Variants in PRUNE2 observed in about 807,000 individuals in gnomAD.
PRUNE2 encodes protein prune homolog 2.
A neutral mutation model predicts 252.0 loss-of-function variants in PRUNE2; 164 were observed. The observed-to-expected ratio is 0.65, with a 90% CI of 0.57 to 0.74. The LOEUF is 0.74. PRUNE2 is among the 30% of genes least tolerant of loss of function. PRUNE2 has a pLI of 0.00. For synonymous variants in PRUNE2, 1,292 were observed against 1,350.2 expected (o/e 0.96, Z 0.94); for missense variants, 3,495 against 3,711.0 (o/e 0.94, Z 1.51).
chr9:76,673,064 T>C lies in PRUNE2; in HGVS notation c.8277-17562A>G, dbSNP rs2041832074. Among the ~76,000 whole-genome samples the C allele has an allele frequency of 2.6e-5, 4 of 151,160 alleles. No homozygotes were observed. In the South Asian group the frequency reaches 8.4e-4, roughly 32 times the overall value. On this transcript the variant is annotated intron_variant, in intron 9 of 18. Coordinates refer to ENST00000376718, the MANE Select transcript of PRUNE2 (RefSeq NM_015225.3). Reference sequence around the variant, plus strand: ...AAAATAACTAAAATCAGAGCAGAACTGAAGGAAATAGAGATACAAAAAACC... The same window carrying C: ...AAAATAACTAAAATCAGAGCAGAACCGAAGGAAATAGAGATACAAAAAACC...
intron 9 of PRUNE2, among the ~76,000 whole-genome samples, chr9:76,685,881 C>A (rs2044025752): frequency 1.3e-5 from 2 of 152,300 alleles, no homozygotes; most frequent in South Asian, 4.2e-4. Context: ...TTTCATTCAT[C>A]TTCTCTGCTA....
In PRUNE2 at chr9:76,637,373, GT is replaced by G. The variant is rs767363076; in HGVS notation, c.8963+44del. 2.5e-6 allele frequency: 4 copies of G among 1,602,680 alleles called. No homozygotes were observed. The Admixed American group carries it at 6.7e-5, about 27-fold the overall frequency. On this transcript the variant is annotated intron_variant, in intron 14 of 18. Transcript: ENST00000376718. ...ATACCATGTGGTTGTTTAGTCTTCA[GT>G]TTACCAAAATCAAAATAGTGATTAA...
rs1446597601 is a variant in PRUNE2 at position 76,817,032 on chromosome 9, T to C, written c.756+6600A>G. On this transcript the variant is annotated intron_variant, in intron 6 of 18. Transcript: ENST00000376718. ...CCTAGAACTTGGATTATGTTTATAGTTCAAAAATTAAAATGATTTTTTCAG... is the reference window on the plus strand; with the variant it reads ...CCTAGAACTTGGATTATGTTTATAGCTCAAAAATTAAAATGATTTTTTCAG... Among the ~76,000 whole-genome samples the C allele has an allele frequency of 2.0e-5, 3 of 152,168 alleles. No individual in the cohort carries two copies. The East Asian group carries it at 5.8e-4, about 29-fold the overall frequency.
intron 9 of PRUNE2, among the ~76,000 whole-genome samples, chr9:76,696,450 G>T (rs958660111): frequency 2.0e-5 from 3 of 152,002 alleles, no homozygotes; most frequent in African/African-American, 7.2e-5. Context: ...TTTTTTGTTT[G>T]TTTGTTTGTT....
intron 9 of PRUNE2, 123 bp from the exon 10 acceptor site, chr9:76,655,625 G>A (rs1315725694): frequency 4.2e-6 from 3 of 712,338 alleles, no homozygotes; most frequent in Non-Finnish European, 7.5e-6. Context: ...CCATGTATGG[G>A]GACTGAATCC....
At chr9:76,880,985 G>T (rs2061743786) in intron 1 of PRUNE2, among the ~76,000 whole-genome samples, 1 of 147,866 alleles carries the variant, frequency 6.8e-6, no homozygotes. Flanking sequence ...TTTTGAGACG[G>T]AGTCTCGCTC....
At chr9:76,667,386 GAGC>G (rs2040408050) in intron 9 of PRUNE2, among the ~76,000 whole-genome samples, 1 of 152,222 alleles carries the variant, frequency 6.6e-6, no homozygotes, top group Non-Finnish European at 1.5e-5. Context: ...ACGCCCAAGT[GAGC>G]AGCAGAACTG....
rs1187931499 is a variant in PRUNE2 at position 76,728,007 on chromosome 9, G to A, written c.757-14286C>T. Among the ~76,000 whole-genome samples the A allele has an allele frequency of 6.6e-5, 10 of 152,050 alleles. No individual in the cohort carries two copies. In the South Asian group the frequency reaches 1.9e-3, roughly 28 times the overall value. On this transcript the variant is annotated intron_variant, in intron 6 of 18. Coordinates refer to ENST00000376718, the MANE Select transcript of PRUNE2 (RefSeq NM_015225.3). ...CTGGGATTACAGGTGTGAGCCCCCC[G>A]ACGCCTGGCCTTAAACAGGGCATTT...
rs933546019 is a variant in PRUNE2 at position 76,788,532 on chromosome 9, C to T, written c.756+35100G>A. ...CCTTGGGGAAAAGCTCAATCCTGCT[C>T]ATCTGTAAAATGGGGGTGTTGACAA... On this transcript the variant is annotated intron_variant, in intron 6 of 18. Transcript: ENST00000376718. 3 of 717,448 alleles carry T rather than the reference C, an allele frequency of 4.2e-6. No individual in the cohort carries two copies. In the Admixed American group the frequency reaches 6.0e-5, roughly 14 times the overall value. 44.4% of individuals were successfully genotyped at this position (717,448 alleles called of 1,614,324 possible).
At chr9:76,663,009 C>A (rs2039413673) in intron 9 of PRUNE2, among the ~76,000 whole-genome samples, 1 of 152,200 alleles carries the variant, frequency 6.6e-6, no homozygotes, top group Admixed American at 6.5e-5. Flanking sequence ...AGCCTATGGG[C>A]TGGAGGACTG....
In PRUNE2 at chr9:76,710,815, G is replaced by A. The variant is rs2046670167; in HGVS notation, c.1459C>T (p.His487Tyr). Residue 487 changes from histidine (H) to tyrosine (Y), a missense_variant, in exon 8 of 19, where the codon CAC becomes TAC. Physicochemically the swap from His to Tyr is moderately conservative, Grantham distance 83. Transcript: ENST00000376718. ...VAEEHAWSGEHGEHFDLFNFD... is the reference protein window; with the variant it reads ...VAEEHAWSGEYGEHFDLFNFD... ...TTGAAGAGGTCGAAGTGCTCACCGT[G>A]TTCTCCAGACCATGCATGTTCCTCC... 6.4e-7 allele frequency: 1 copy of A among 1,570,808 alleles called. No individual in the cohort carries two copies. The highest frequency in any genetic ancestry group is 8.6e-7 in the Non-Finnish European group (1 of 1,159,924).
intron 11 of PRUNE2, 55 bp downstream of exon 11, chr9:76,652,428 A>C: frequency 8.1e-7 from 1 of 1,241,180 alleles, no homozygotes; most frequent in Non-Finnish European, 1.2e-6. Context: ...GGTCTGTTAG[A>C]AAATCTTTTA....
intron 6 of PRUNE2, among the ~76,000 whole-genome samples, chr9:76,812,917 A>C (rs73460301): frequency 0.063 from 9,544 of 152,286 alleles, 417 homozygotes; most frequent in African/African-American, 0.13. Context: ...CATTATAAAA[A>C]TTAAATTACA....
At chr9:76,772,620 G>C (rs1793789877) in intron 6 of PRUNE2, among the ~76,000 whole-genome samples, 1 of 152,136 alleles carries the variant, frequency 6.6e-6, no homozygotes, top group South Asian at 2.1e-4. Flanking sequence ...CTGGAACGTA[G>C]TGGTGCAATC....
chr9:76,642,098 C>A, intron 12 of PRUNE2: 1 of 792,838 alleles, frequency 1.3e-6, no homozygotes, highest in South Asian at 1.9e-5. Context: ...TTCTCAGCTC[C>A]AAGTTCAAAA....
In PRUNE2 at chr9:76,766,114, C is replaced by T. The variant is rs554110365; in HGVS notation, c.757-52393G>A. On this transcript the variant is annotated intron_variant, in intron 6 of 18. Transcript: ENST00000376718. ...AGGAGAATCGCTTGAACCCTGGAGG[C>T]GGAGGTTGCAGTGAGCCAAGATTGC... is the stretch of plus-strand genomic sequence containing the variant. Among the ~76,000 whole-genome samples, 5 of 147,628 alleles carry T rather than the reference C, an allele frequency of 3.4e-5. No individual in the cohort carries two copies. In the South Asian group the frequency reaches 6.7e-4, roughly 20 times the overall value.
At chr9:76,750,314 T>G (rs919230110) in intron 6 of PRUNE2, among the ~76,000 whole-genome samples, 1 of 152,082 alleles carries the variant, frequency 6.6e-6, no homozygotes, top group East Asian at 1.9e-4. Flanking sequence ...GTGATTGGCA[T>G]GGAAGTTGGG....
intron 6 of PRUNE2, among the ~76,000 whole-genome samples, chr9:76,804,702 A>G (rs1051373477): frequency 6.6e-6 from 1 of 152,156 alleles, no homozygotes; most frequent in Non-Finnish European, 1.5e-5. Flanking sequence ...GCTGGGAAGG[A>G]GAAAGAGAGT....
intron 6 of PRUNE2, chr9:76,740,545 A>G (rs2049524858): frequency 6.6e-6 from 1 of 152,148 alleles, no homozygotes; most frequent in Admixed American, 6.5e-5. Context: ...TTAAAATAAA[A>G]TTGTATTAAT....
Sources: gnomAD v4.1 joint callset for allele counts (sites outside exome capture counted in the v4.1 genomes callset) on GRCh38, gnomAD v4.1.1 for gene constraint, MANE v1.5 for transcripts, NCBI Gene and HGNC (gene_info 2026-07-23, HGNC 2026-07-21) for gene names.